ASAP2: variants seen among roughly 807,000 people sequenced by gnomAD.
ASAP2 encodes ArfGAP with SH3 domain, ankyrin repeat and PH domain 2.
ASAP2 carries 45 observed loss-of-function variants against 131.4 expected under a neutral mutation model. The observed-to-expected ratio is 0.34, with a 90% CI of 0.27 to 0.44. ASAP2 has a LOEUF of 0.44. Ranked by LOEUF, ASAP2 falls within the 20% of genes least tolerant of loss-of-function variation. The pLI is 1.00. For missense variants in ASAP2, 1,011 were observed against 1,297.0 expected, an observed-to-expected ratio of 0.78 and a Z score of 3.39; for synonymous variants, 510 against 503.0, an observed-to-expected ratio of 1.01 and a Z score of -0.19.
chr2:9,302,407 G>A (rs188314511), intron 3 of ASAP2, among the ~76,000 whole-genome samples: 5 of 149,274 alleles, frequency 3.3e-5, no homozygotes, highest in African/African-American at 1.2e-4. Flanking sequence ...TCCTGACCTC[G>A]TGATCTGCCC....
intron 1 of ASAP2, among the ~76,000 whole-genome samples, chr2:9,243,642 G>A (rs1384997316): frequency 6.6e-6 from 1 of 152,206 alleles, no homozygotes; most frequent in African/African-American, 2.4e-5. Context: ...GAATGAGATA[G>A]CGTTTCCACT....
At chr2:9,374,410 G>A (rs1005108683) in intron 16 of ASAP2, among the ~76,000 whole-genome samples, 3 of 152,226 alleles carry the variant, frequency 2.0e-5, no homozygotes, top group African/African-American at 4.8e-5. Flanking sequence ...GGAGGCGCAG[G>A]GCATGCGGAT....
intron 7 of ASAP2, among the ~76,000 whole-genome samples, chr2:9,331,096 G>A (rs891915682): frequency 2.6e-5 from 4 of 152,152 alleles, no homozygotes; most frequent in South Asian, 2.1e-4. Context: ...CCCAGTTTCC[G>A]CTTCTCGCCC....
At chr2:9,274,319 C>CTTTTTTT (rs57798948) in intron 1 of ASAP2, among the ~76,000 whole-genome samples, 6 of 106,770 alleles carry the variant, frequency 5.6e-5, no homozygotes, top group Admixed American at 1.1e-4. Flanking sequence ...AGCATTCAAT[C>CTTTTTTT]TTTTTTTTTT....
intron 9 of ASAP2, among the ~76,000 whole-genome samples, chr2:9,338,220 G>A (rs1671346590): frequency 6.6e-6 from 1 of 152,068 alleles, no homozygotes; most frequent in South Asian, 2.1e-4. Context: ...TCAGGCTCTG[G>A]GGCATGGTCT....
intron 1 of ASAP2, among the ~76,000 whole-genome samples, chr2:9,212,874 C>T (rs746110785): frequency 1.1e-4 from 16 of 152,198 alleles, no homozygotes; most frequent in Admixed American, 6.5e-5. Context: ...ACCACAGGCA[C>T]GTGAGAGCTT....
Position 9,373,138 on chromosome 2 carries a change from G to C in ASAP2, c.1557-1617G>C, listed in dbSNP as rs375498949. Among the ~76,000 whole-genome samples the C allele has an allele frequency of 1.2e-3, 186 of 152,178 alleles. 8 individuals carry two copies. In the South Asian group the frequency reaches 0.038, roughly 31 times the overall value. ...TGTGGACGGGGAGCATGTGCCGGGG[G>C]ACGTTGAGGCACCCGCCTTAACCTA... On this transcript the variant is annotated intron_variant, in intron 16 of 27. Transcript: ENST00000281419.
At chr2:9,368,552 A>G in intron 16 of ASAP2, 33 bp downstream of exon 16, 1 of 1,598,066 alleles carries the variant, frequency 6.3e-7, no homozygotes, top group South Asian at 1.1e-5. Context: ...TCATTTGCTG[A>G]GTAAAGGTTT....
At chr2:9,208,401 T>C (rs998078389) in intron 1 of ASAP2, among the ~76,000 whole-genome samples, 3 of 151,220 alleles carry the variant, frequency 2.0e-5, no homozygotes, top group African/African-American at 7.3e-5. Flanking sequence ...GGCGTTATTT[T>C]TTTTTTCTGG....
intron 5 of ASAP2, among the ~76,000 whole-genome samples, chr2:9,322,835 G>A (rs1349938636): frequency 6.6e-6 from 1 of 152,176 alleles, no homozygotes; most frequent in Non-Finnish European, 1.5e-5. Flanking sequence ...TCTGAATGCT[G>A]ATGCCAAAGG....
intron 2 of ASAP2, among the ~76,000 whole-genome samples, chr2:9,296,138 G>A (rs1668136245): frequency 6.6e-6 from 1 of 152,214 alleles, no homozygotes. Context: ...CGCAGGTCTG[G>A]CTGCCCTGTT....
At chr2:9,216,080 A>T (rs527892316) in intron 1 of ASAP2, among the ~76,000 whole-genome samples, 2 of 152,262 alleles carry the variant, frequency 1.3e-5, no homozygotes, top group African/African-American at 4.8e-5. Flanking sequence ...TTTGTGTCAC[A>T]CGGCATGTAC....
chr2:9,400,051 A>G lies in ASAP2; in HGVS notation c.2713A>G (p.Lys905Glu). Reference sequence around the variant, plus strand: ...TGACAAGTCCACCCCACTGACCAACAAAGGCCAACCGAGAGGACCTGGTAA... The same window carrying G: ...TGACAAGTCCACCCCACTGACCAACGAAGGCCAACCGAGAGGACCTGGTAA... Reference protein sequence around the residue: ...GADKSTPLTNKGQPRGPVDLS... With the variant: ...GADKSTPLTNEGQPRGPVDLS... Residue 905 changes from lysine (K) to glutamate (E), a missense_variant, in exon 25 of 28, where the codon AAA (lysine) becomes GAA (glutamate). Transcript: ENST00000281419. The G allele has an allele frequency of 2.5e-6, 4 of 1,613,364 alleles. No individual in the cohort carries two copies. The highest frequency in any genetic ancestry group is 3.4e-6 in the Non-Finnish European group (4 of 1,179,734).
intron 20 of ASAP2, among the ~76,000 whole-genome samples, chr2:9,383,933 C>T (rs7588849): frequency 0.15 from 22,869 of 151,962 alleles, 5,111 homozygotes; most frequent in African/African-American, 0.49. Flanking sequence ...AAACACCGCA[C>T]GTTCTCACTC....
Position 9,323,022 on chromosome 2 carries a change from C to T in ASAP2, c.471-99C>T, listed in dbSNP as rs1670248761. The T allele has an allele frequency of 6.3e-6, 9 of 1,434,778 alleles. 1 individual carries two copies. In the South Asian group the frequency reaches 6.4e-5, roughly 10 times the overall value. 88.9% of individuals were successfully genotyped at this position (1,434,778 alleles called of 1,614,324 possible). On this transcript the variant is annotated intron_variant, in intron 5 of 27. Coordinates refer to ENST00000281419, the MANE Select transcript of ASAP2 (RefSeq NM_003887.3). ...TGCCTGTGCTGAAACGTGTGGTGAG[C>T]GTTGGTCTCGCCAGGCTGGGTACTG...
chr2:9,344,877 G>A, intron 11 of ASAP2, 77 bp downstream of exon 11: 3 of 1,284,322 alleles, frequency 2.3e-6, no homozygotes, highest in Non-Finnish European at 3.4e-6. Flanking sequence ...GAAGTTAGAG[G>A]GCAGGAGTTG....
chr2:9,324,625 C>T (rs1187098488), intron 6 of ASAP2, among the ~76,000 whole-genome samples: 1 of 152,134 alleles, frequency 6.6e-6, no homozygotes, highest in Non-Finnish European at 1.5e-5. Flanking sequence ...TTGTACCACT[C>T]CCCCAGTAAT....
intron 2 of ASAP2, among the ~76,000 whole-genome samples, chr2:9,293,623 C>T (rs184423070): frequency 1.5e-4 from 23 of 152,226 alleles, no homozygotes. Flanking sequence ...AAAATCTTCA[C>T]CTTGGGGTGA....
intron 3 of ASAP2, among the ~76,000 whole-genome samples, chr2:9,317,117 A>AC (rs1558324132): frequency 4.9e-5 from 5 of 101,156 alleles, no homozygotes; most frequent in African/African-American, 1.7e-4. Flanking sequence ...ACCCCACGCA[A>AC]TCACAACCAC....
Sources: allele counts gnomAD v4.1 joint callset (sites outside exome capture counted in the v4.1 genomes callset), GRCh38; gene constraint gnomAD v4.1.1; transcripts MANE v1.5; gene names NCBI Gene and HGNC (gene_info 2026-07-23, HGNC 2026-07-21).